The following ATRNL1 variants were observed in gnomAD, a reference collection of about 807,000 sequenced individuals.
ATRNL1 encodes attractin like 1.
ATRNL1 carries 95 observed loss-of-function variants against 182.7 expected under a neutral mutation model. The ratio of observed to expected loss-of-function variants is 0.52; its 90% CI spans 0.44 to 0.62. ATRNL1 has a LOEUF of 0.62. ATRNL1 is among the 20% of genes least tolerant of loss of function. ATRNL1 has a pLI of 0.00. For missense variants in ATRNL1, 1,471 were observed against 1,679.5 expected, an observed-to-expected ratio of 0.88 and a Z score of 2.17; for synonymous variants, 576 against 568.3, an observed-to-expected ratio of 1.01 and a Z score of -0.19.
At chr10:115,699,590 A>G (rs1265604356) in intron 26 of ATRNL1, among the ~76,000 whole-genome samples, 2 of 152,182 alleles carry the variant, frequency 1.3e-5, no homozygotes, top group African/African-American at 2.4e-5. Flanking sequence ...GATGTTAGAA[A>G]CATAAGCTGA....
intron 26 of ATRNL1, among the ~76,000 whole-genome samples, chr10:115,573,945 G>T (rs1854554368): frequency 6.6e-6 from 1 of 152,120 alleles, no homozygotes; most frequent in Non-Finnish European, 1.5e-5. Flanking sequence ...GAAAGACAAA[G>T]CTGAAAAGAT....
At chr10:115,538,821 A>G (rs915510923) in intron 25 of ATRNL1, among the ~76,000 whole-genome samples, 1 of 152,212 alleles carries the variant, frequency 6.6e-6, no homozygotes, top group Non-Finnish European at 1.5e-5. Context: ...CAGTCAATGC[A>G]CTACATAACA....
chr10:115,738,126 A>G (rs2532707), intron 27 of ATRNL1, among the ~76,000 whole-genome samples: 1 of 47,088 alleles, frequency 2.1e-5, no homozygotes, highest in South Asian at 9.4e-4. Flanking sequence ...GAAGATAATG[A>G]TTTTTTTTTT....
At chr10:115,577,241 T>C (rs1319700351) in intron 26 of ATRNL1, among the ~76,000 whole-genome samples, 1 of 151,910 alleles carries the variant, frequency 6.6e-6, no homozygotes, top group Admixed American at 6.6e-5. Flanking sequence ...ATTTTAATAT[T>C]GTTTTTTCTA....
chr10:115,616,438 T>G lies in ATRNL1; in HGVS notation c.3795+66902T>G, dbSNP rs566381925. ...GTGGTAGAAAAGAAAAACCAATTTT[T>G]GGGCAGGTAGGGGGATTCAAGTGGA... On this transcript the variant is annotated intron_variant, in intron 26 of 28. Transcript: ENST00000355044. 3.2e-4 allele frequency among the ~76,000 whole-genome samples: 48 copies of G among 152,240 alleles called. 2 individuals carry two copies. The South Asian group carries it at 9.1e-3, about 29-fold the overall frequency.
intron 21 of ATRNL1, among the ~76,000 whole-genome samples, chr10:115,428,624 T>C (rs1554963395): frequency 1.3e-5 from 2 of 152,080 alleles, no homozygotes; most frequent in Non-Finnish European, 2.9e-5. Flanking sequence ...TTTCCTGCAT[T>C]AATTTATATG....
At chr10:115,329,386 T>C (rs1464911575) in intron 18 of ATRNL1, among the ~76,000 whole-genome samples, 1 of 152,160 alleles carries the variant, frequency 6.6e-6, no homozygotes. Flanking sequence ...ATTTTGTATA[T>C]GTGAAGTCAT....
intron 5 of ATRNL1, among the ~76,000 whole-genome samples, chr10:115,139,326 G>C (rs1845660585): frequency 6.6e-6 from 1 of 152,032 alleles, no homozygotes. Context: ...CCACTCTACT[G>C]GTACCAATTT....
chr10:115,337,937 G>A (rs1855569619), intron 19 of ATRNL1, among the ~76,000 whole-genome samples: 1 of 152,052 alleles, frequency 6.6e-6, no homozygotes, highest in South Asian at 2.1e-4. Context: ...TTCTCATAAG[G>A]AGTGCGTAGT....
chr10:115,752,763 A>G (rs1250338531), intron 27 of ATRNL1, among the ~76,000 whole-genome samples: 4 of 152,122 alleles, frequency 2.6e-5, no homozygotes, highest in African/African-American at 9.7e-5. Context: ...ATAGTTATGC[A>G]AACTAATGTT....
At chr10:115,679,940 C>T (rs782011191) in intron 26 of ATRNL1, among the ~76,000 whole-genome samples, 1 of 151,916 alleles carries the variant, frequency 6.6e-6, no homozygotes, top group Non-Finnish European at 1.5e-5. Context: ...TTCTATTTTC[C>T]ATTATCTTCT....
chr10:115,648,170 A>G (rs1387936575), intron 26 of ATRNL1, among the ~76,000 whole-genome samples: 2 of 152,200 alleles, frequency 1.3e-5, no homozygotes, highest in Non-Finnish European at 2.9e-5. Context: ...AGTAGCAGAC[A>G]GAGAGCCAAA....
chr10:115,614,999 A>T (rs1581906), intron 26 of ATRNL1, among the ~76,000 whole-genome samples: 76,305 of 151,602 alleles, frequency 0.5, 20,140 homozygotes, highest in East Asian at 0.84. Flanking sequence ...ATTTTTTCAT[A>T]TGGGAATTTA....
At chr10:115,428,062 T>G (rs1845985170) in intron 21 of ATRNL1, among the ~76,000 whole-genome samples, 1 of 152,026 alleles carries the variant, frequency 6.6e-6, no homozygotes, top group African/African-American at 2.4e-5. Flanking sequence ...TTTTTTATTT[T>G]TTCTCAATTC....
At chr10:115,332,402 A>G (rs974831586) in intron 18 of ATRNL1, among the ~76,000 whole-genome samples, 1 of 152,132 alleles carries the variant, frequency 6.6e-6, no homozygotes, top group African/African-American at 2.4e-5. Flanking sequence ...CTTCGTGGGT[A>G]TAATTGTTGG....
chr10:115,658,742 A>G (rs1469690319), intron 26 of ATRNL1, among the ~76,000 whole-genome samples: 1 of 152,074 alleles, frequency 6.6e-6, no homozygotes, highest in East Asian at 1.9e-4. Context: ...CCTTTGCTGT[A>G]AGGTCAGAGT....
intron 26 of ATRNL1, among the ~76,000 whole-genome samples, chr10:115,623,390 A>G (rs1857899379): frequency 6.6e-6 from 1 of 152,170 alleles, no homozygotes; most frequent in Non-Finnish European, 1.5e-5. Flanking sequence ...ACTATCTAAT[A>G]TGACAAAGAG....
chr10:115,549,935 A>G (rs1852870968), intron 26 of ATRNL1, among the ~76,000 whole-genome samples: 1 of 151,852 alleles, frequency 6.6e-6, no homozygotes, highest in South Asian at 2.1e-4. Context: ...AAAATATTTT[A>G]TCTCCTAGAA....
At chr10:115,533,490 TC>T (rs1163371273) in intron 25 of ATRNL1, among the ~76,000 whole-genome samples, 1 of 152,070 alleles carries the variant, frequency 6.6e-6, no homozygotes, top group Non-Finnish European at 1.5e-5. Flanking sequence ...GATTCTTCTC[TC>T]TTTTTTTCTT....
Sources: allele counts gnomAD v4.1 joint callset (sites outside exome capture counted in the v4.1 genomes callset), GRCh38; gene constraint gnomAD v4.1.1; transcripts MANE v1.5; gene names NCBI Gene and HGNC (gene_info 2026-07-23, HGNC 2026-07-21).